The following BTRC variants were observed in gnomAD, a reference collection of about 807,000 sequenced individuals.
BTRC encodes the protein beta-transducin repeat containing E3 ubiquitin protein ligase.
A neutral mutation model predicts 85.5 loss-of-function variants in BTRC; 42 were observed. The observed-to-expected ratio is 0.49, with a 90% CI of 0.38 to 0.64. The LOEUF (loss-of-function observed/expected upper bound fraction) is 0.64. Among genes scored for constraint, BTRC ranks in the 30% least tolerant of loss-of-function variants. The probability of loss-of-function intolerance (pLI) is 0.00; values close to 1 mark genes in which losing one functional copy is unlikely to be tolerated. For synonymous variants in BTRC, 255 were observed against 263.3 expected, an observed-to-expected ratio of 0.97 and a Z score of 0.30; for missense variants, 594 against 743.5, an observed-to-expected ratio of 0.80 and a Z score of 2.34.
rs572173883 is a variant in BTRC at position 101,463,435 on chromosome 10, C to T, written c.234+1377C>T. Among the ~76,000 whole-genome samples, 6 of 152,228 alleles carry T rather than the reference C, an allele frequency of 3.9e-5. No individual in the cohort carries two copies. In the East Asian group the frequency reaches 1.2e-3, roughly 29 times the overall value. On this transcript the variant is annotated intron_variant, in intron 3 of 14. Transcript: ENST00000370187. ...CCTCAGGTGATCTGCCCAGCTTGGC[C>T]TCCCAAAGTGCTGGGATTACAGACA...
intron 1 of BTRC, among the ~76,000 whole-genome samples, chr10:101,366,869 A>ATTT (rs1491560069): frequency 9.3e-5 from 2 of 21,468 alleles, no homozygotes; most frequent in Admixed American, 1.0e-3. Context: ...TTTATATATT[A>ATTT]ATATATATTT....
chr10:101,426,726 A>G (rs1475667453), intron 1 of BTRC, among the ~76,000 whole-genome samples: 1 of 152,230 alleles, frequency 6.6e-6, no homozygotes, highest in Non-Finnish European at 1.5e-5. Flanking sequence ...ACCAAGGAGC[A>G]TTCACAAAAA....
At chr10:101,385,887 T>A (rs1036231455) in intron 1 of BTRC, among the ~76,000 whole-genome samples, 2 of 152,088 alleles carry the variant, frequency 1.3e-5, no homozygotes, top group African/African-American at 4.8e-5. Context: ...CTGATAATTA[T>A]TATTTTAATA....
At chr10:101,388,788 G>T (rs955639911) in intron 1 of BTRC, among the ~76,000 whole-genome samples, 1 of 152,186 alleles carries the variant, frequency 6.6e-6, no homozygotes, top group Non-Finnish European at 1.5e-5. Flanking sequence ...ACTGCACCCA[G>T]CCCAGCCTGT....
intron 13 of BTRC, among the ~76,000 whole-genome samples, chr10:101,546,019 T>C (rs560304321): frequency 3.4e-4 from 52 of 152,360 alleles, no homozygotes; most frequent in African/African-American, 1.1e-3. Context: ...GCATCCACTG[T>C]TATAGTTGGA....
intron 2 of BTRC, among the ~76,000 whole-genome samples, chr10:101,455,440 A>G: frequency 6.6e-6 from 1 of 152,160 alleles, no homozygotes; most frequent in Non-Finnish European, 1.5e-5. Flanking sequence ...GGTGGGAAGC[A>G]TGTTCATGTA....
chr10:101,405,635 C>A (rs1943601845), intron 1 of BTRC, among the ~76,000 whole-genome samples: 1 of 152,028 alleles, frequency 6.6e-6, no homozygotes, highest in East Asian at 1.9e-4. Flanking sequence ...TCTCCAATTA[C>A]CTGCTAGTAT....
chr10:101,424,683 G>A (rs759877944), intron 1 of BTRC, among the ~76,000 whole-genome samples: 12 of 152,188 alleles, frequency 7.9e-5, no homozygotes, highest in Non-Finnish European at 1.5e-4. Flanking sequence ...ACAGCCAAGT[G>A]TAGGGGGAAG....
intron 1 of BTRC, among the ~76,000 whole-genome samples, chr10:101,403,259 T>C (rs183310678): frequency 1.6e-3 from 247 of 151,858 alleles, no homozygotes; most frequent in Non-Finnish European, 3.0e-3. Flanking sequence ...GAAGGGAGAG[T>C]ATTTTAAGGG....
intron 4 of BTRC, among the ~76,000 whole-genome samples, chr10:101,481,212 G>A (rs914033415): frequency 6.6e-6 from 1 of 152,158 alleles, no homozygotes; most frequent in Non-Finnish European, 1.5e-5. Flanking sequence ...CCAAAGAGTT[G>A]GGATTACAAG....
chr10:101,357,771 AC>A (rs1378123262), intron 1 of BTRC, among the ~76,000 whole-genome samples: 6 of 152,230 alleles, frequency 3.9e-5, no homozygotes, highest in African/African-American at 1.4e-4. Context: ...TTCAGAGATG[AC>A]CATAATTCAC....
At chr10:101,404,643 G>A (rs751868338) in intron 1 of BTRC, among the ~76,000 whole-genome samples, 6 of 152,066 alleles carry the variant, frequency 3.9e-5, no homozygotes, top group African/African-American at 4.8e-5. Context: ...TATTCCATGC[G>A]TGTGCCACTT....
chr10:101,354,459 C>G, intron 1 of BTRC: 1 of 530,222 alleles, frequency 1.9e-6, no homozygotes, highest in Non-Finnish European at 3.3e-6. Flanking sequence ...GGCCAAGTGA[C>G]AGCGGGAGCT....
chr10:101,522,533 G>C (rs1452783980), intron 5 of BTRC, among the ~76,000 whole-genome samples: 2 of 140,030 alleles, frequency 1.4e-5, no homozygotes, highest in African/African-American at 5.3e-5. Flanking sequence ...CAATTCTCCT[G>C]CCTCAGCCTC....
intron 4 of BTRC, among the ~76,000 whole-genome samples, chr10:101,514,530 A>G (rs1487891377): frequency 6.6e-6 from 1 of 151,536 alleles, no homozygotes; most frequent in Non-Finnish European, 1.5e-5. Flanking sequence ...TAGGCTCACT[A>G]TAACCTCCAC....
intron 13 of BTRC, among the ~76,000 whole-genome samples, chr10:101,546,449 T>A (rs567236067): frequency 9.2e-5 from 14 of 152,192 alleles, no homozygotes; most frequent in Non-Finnish European, 1.6e-4. Flanking sequence ...ACATAGTAGG[T>A]TTATATATTT....
intron 1 of BTRC, among the ~76,000 whole-genome samples, chr10:101,397,944 G>T (rs988801277): frequency 6.6e-6 from 1 of 152,278 alleles, no homozygotes; most frequent in Non-Finnish European, 1.5e-5. Context: ...TTTTAAAAAT[G>T]CCATTATTTC....
chr10:101,553,752 CT>C lies in BTRC; in HGVS notation c.*631del. The C allele has an allele frequency of 6.5e-6, 1 of 153,068 alleles. No individual in the cohort carries two copies. Among genetic ancestry groups the C allele is most frequent in the Non-Finnish European group, 1.5e-5 (1 of 68,298 alleles). 9.5% of individuals were successfully genotyped at this position (153,068 alleles called of 1,614,324 possible). ...TGGAAGATTTGGGCCTCCTGCCTGCCTTCTCTTTGTTTCTGTTCCTCTTCCC... is the reference window on the plus strand; with the variant it reads ...TGGAAGATTTGGGCCTCCTGCCTGCCTCTCTTTGTTTCTGTTCCTCTTCCC... On this transcript the variant is annotated 3_prime_UTR_variant, in exon 15 of 15. Transcript: ENST00000370187.
chr10:101,367,056 AT>A (rs1942481517), intron 1 of BTRC, among the ~76,000 whole-genome samples: 1 of 94,570 alleles, frequency 1.1e-5, no homozygotes, highest in Non-Finnish European at 2.0e-5. Context: ...ATATATATAT[AT>A]AAATATAAAT....
Sources: gnomAD v4.1 joint callset for allele counts (sites outside exome capture counted in the v4.1 genomes callset) on GRCh38, gnomAD v4.1.1 for gene constraint, MANE v1.5 for transcripts, NCBI Gene and HGNC (gene_info 2026-07-23, HGNC 2026-07-21) for gene names.